The following BLNK variants were observed in gnomAD, a reference collection of about 807,000 sequenced individuals.
BLNK encodes the protein B cell linker.
A neutral mutation model predicts 73.5 loss-of-function variants in BLNK; 29 were observed. The ratio of observed to expected loss-of-function variants is 0.39; its 90% CI spans 0.29 to 0.54. The LOEUF is 0.54. Ranked by LOEUF, BLNK falls within the 20% of genes least tolerant of loss-of-function variation. BLNK has a pLI of 0.61. For synonymous variants in BLNK, 176 were observed against 200.8 expected (o/e 0.88, Z 1.04); for missense variants, 460 against 562.8 (o/e 0.82, Z 1.85).
chr10:96,266,998 G>A (rs1844033043), intron 1 of BLNK, among the ~76,000 whole-genome samples: 1 of 152,220 alleles, frequency 6.6e-6, no homozygotes, highest in South Asian at 2.1e-4. Flanking sequence ...GGAAAACTGA[G>A]GTGTAGAGAA....
At chr10:96,223,155 T>C (rs2084238531) in intron 6 of BLNK, among the ~76,000 whole-genome samples, 1 of 152,142 alleles carries the variant, frequency 6.6e-6, no homozygotes, top group Non-Finnish European at 1.5e-5. Context: ...AAGGCAAGAA[T>C]GCTTCAAGGG....
intron 2 of BLNK, among the ~76,000 whole-genome samples, chr10:96,243,769 G>T (rs1842949699): frequency 6.6e-6 from 1 of 152,044 alleles, no homozygotes; most frequent in Non-Finnish European, 1.5e-5. Flanking sequence ...ACTATTCCAA[G>T]TTTTGTAAGT....
At chr10:96,231,270 C>T (rs150366279) in intron 3 of BLNK, among the ~76,000 whole-genome samples, 5,930 of 152,244 alleles carry the variant, frequency 0.039, 138 homozygotes, top group Non-Finnish European at 0.048. Flanking sequence ...CTCTGAGCCT[C>T]GGTTTCCAGA....
chr10:96,217,498 T>C (rs2084095175), intron 6 of BLNK, among the ~76,000 whole-genome samples: 1 of 152,256 alleles, frequency 6.6e-6, no homozygotes, highest in African/African-American at 2.4e-5. Context: ...ATTACAGCCA[T>C]CCTTGTGTGT....
At chr10:96,217,444 C>A (rs1327985493) in intron 6 of BLNK, among the ~76,000 whole-genome samples, 1 of 152,188 alleles carries the variant, frequency 6.6e-6, no homozygotes, top group Admixed American at 6.5e-5. Context: ...TATGAGGGCT[C>A]CAGTTTTTTC....
Position 96,259,193 on chromosome 10 carries a change from C to T in BLNK, c.48-12144G>A, listed in dbSNP as rs143158225. Among the ~76,000 whole-genome samples, 1,206 of 152,348 alleles carry T rather than the reference C, an allele frequency of 7.9e-3. 3 individuals carry two copies. Among genetic ancestry groups the T allele is most frequent in the Middle Eastern group, 0.02 (6 of 294 alleles). On this transcript the variant is annotated intron_variant, in intron 1 of 16. Coordinates refer to ENST00000224337, the MANE Select transcript of BLNK (RefSeq NM_013314.4). ...CCTTCCTCTCTGTCCCTGGAGACAG[C>T]ACCCATTCCCTCTACCAACCCAGTA...
intron 2 of BLNK, among the ~76,000 whole-genome samples, chr10:96,243,532 G>A (rs1842941932): frequency 6.6e-6 from 1 of 152,184 alleles, no homozygotes; most frequent in African/African-American, 2.4e-5. Context: ...GGGCGACAGA[G>A]CGAGACACTG....
intron 13 of BLNK, among the ~76,000 whole-genome samples, chr10:96,201,899 T>A (rs969490240): frequency 4.6e-5 from 7 of 152,000 alleles, no homozygotes; most frequent in Non-Finnish European, 8.8e-5. Context: ...AAGTAAAAAA[T>A]ATATATATAA....
intron 11 of BLNK, chr10:96,205,428 G>A (rs1324512204): frequency 6.6e-6 from 1 of 152,184 alleles, no homozygotes; most frequent in Non-Finnish European, 1.5e-5. Flanking sequence ...AGAACTCAAA[G>A]ATTCAAATAA....
chr10:96,214,791 T>TA (rs1554899476), intron 8 of BLNK, among the ~76,000 whole-genome samples: 1 of 152,188 alleles, frequency 6.6e-6, no homozygotes, highest in African/African-American at 2.4e-5. Flanking sequence ...CCTCAGCACT[T>TA]AGTGTGTACC....
At chr10:96,240,102 T>C (rs72637513) in intron 3 of BLNK, among the ~76,000 whole-genome samples, 6,522 of 152,262 alleles carry the variant, frequency 0.043, 551 homozygotes, top group East Asian at 0.38. Context: ...ACCATTGCAC[T>C]CTTCCATCTT....
intron 16 of BLNK, among the ~76,000 whole-genome samples, chr10:96,193,110 G>A (rs1554893894): frequency 6.6e-6 from 1 of 152,202 alleles, no homozygotes; most frequent in Non-Finnish European, 1.5e-5. Flanking sequence ...TTGGCTAGCT[G>A]AATATTCAGT....
Position 96,271,539 on chromosome 10 carries a change from G to A in BLNK, c.-141C>T. The A allele has an allele frequency of 4.9e-6, 4 of 821,574 alleles. No homozygotes were observed. The highest frequency in any genetic ancestry group is 8.4e-6 in the Non-Finnish European group (4 of 476,584). 50.9% of individuals were successfully genotyped at this position (821,574 alleles called of 1,614,324 possible). On this transcript the variant is annotated 5_prime_UTR_variant, in exon 1 of 17. Transcript: ENST00000224337. ...AGTCTGATTTCTGAGAGTGCAGGCT[G>A]CTGGCAAACACCCCTGCTCTAGGGA...
chr10:96,212,365 C>CT (rs34260424), intron 8 of BLNK, among the ~76,000 whole-genome samples: 75,988 of 151,968 alleles, frequency 0.5, 19,612 homozygotes, highest in Middle Eastern at 0.57. Flanking sequence ...TAACAAAGCA[C>CT]TAGCATTTTA....
At position 96,200,881 on chromosome 10, in the gene BLNK, C is replaced by T. The variant is rs1189238127; in HGVS notation, c.1011+101G>A. ...CACATAATGATGTAAAATACAGTCTCTGTTCTCAAGGTTCACTCCAAATGT... is the reference window on the plus strand; with the variant it reads ...CACATAATGATGTAAAATACAGTCTTTGTTCTCAAGGTTCACTCCAAATGT... On this transcript the variant is annotated intron_variant, in intron 14 of 16. Transcript: ENST00000224337. The surrounding 1 kb of genome is among the most constrained non-coding windows in gnomAD (Gnocchi z 4.3). 1.1e-5 allele frequency: 12 copies of T among 1,059,552 alleles called. No individual in the cohort carries two copies. Among genetic ancestry groups the T allele is most frequent in the Admixed American group, 1.7e-5 (1 of 59,064 alleles). 65.6% of individuals were successfully genotyped at this position (1,059,552 alleles called of 1,614,324 possible).
At chr10:96,250,054 A>G (rs1236172895) in intron 1 of BLNK, among the ~76,000 whole-genome samples, 1 of 152,186 alleles carries the variant, frequency 6.6e-6, no homozygotes, top group Non-Finnish European at 1.5e-5. Flanking sequence ...TCTGGTGCCA[A>G]GTCATTGTAA....
chr10:96,247,582 A>T (rs1843100971), intron 1 of BLNK, among the ~76,000 whole-genome samples: 1 of 152,202 alleles, frequency 6.6e-6, no homozygotes, highest in South Asian at 2.1e-4. Flanking sequence ...AGGGAACCTA[A>T]GGCCAATTTG....
intron 6 of BLNK, among the ~76,000 whole-genome samples, chr10:96,220,626 T>G (rs782475041): frequency 3.9e-5 from 6 of 152,200 alleles, no homozygotes; most frequent in African/African-American, 4.8e-5. Context: ...TGCTGCAGTG[T>G]TTTAATACCA....
chr10:96,269,577 C>T lies in BLNK; in HGVS notation c.47+1775G>A, dbSNP rs969625143. Reference sequence around the variant, plus strand: ...ACCCTGGATGCTTGGGTTACTTAAGCGCTCCTCCCTCCCACCAGATCCCTG... The same window carrying T: ...ACCCTGGATGCTTGGGTTACTTAAGTGCTCCTCCCTCCCACCAGATCCCTG... On this transcript the variant is annotated intron_variant, in intron 1 of 16. Coordinates refer to ENST00000224337, the MANE Select transcript of BLNK (RefSeq NM_013314.4). Among the ~76,000 whole-genome samples the T allele has an allele frequency of 9.9e-5, 15 of 152,216 alleles. 1 individual carries two copies. The East Asian group carries it at 1.4e-3, about 14-fold the overall frequency.
Sources: gnomAD v4.1 joint callset for allele counts (sites outside exome capture counted in the v4.1 genomes callset) on GRCh38, gnomAD v4.1.1 for gene constraint, Gnocchi (gnomAD v3.1) non-coding constraint, MANE v1.5 for transcripts, NCBI Gene and HGNC (gene_info 2026-07-23, HGNC 2026-07-21) for gene names.